Variants in ZBTB20 observed in about 807,000 individuals in gnomAD.
ZBTB20 encodes the protein zinc finger and BTB domain-containing protein 20.
In ZBTB20, 9 loss-of-function variants were observed where a neutral mutation model predicts 56.9. The observed-to-expected ratio is 0.16, with a 90% confidence interval of 0.10 to 0.28. The LOEUF is 0.28. ZBTB20 is among the 10% of genes least tolerant of loss of function. The pLI is 1.00. For missense variants in ZBTB20, 655 were observed against 1,003.0 expected (o/e 0.65, Z 4.69); for synonymous variants, 417 against 420.7 (o/e 0.99, Z 0.11).
At position 114,712,509 on chromosome 3, in the gene ZBTB20, C is replaced by G. The variant is rs535296901; in HGVS notation, c.-342-18934G>C. 2.6e-5 allele frequency among the ~76,000 whole-genome samples: 4 copies of G among 151,714 alleles called. No individual in the cohort carries two copies. The East Asian group carries it at 7.8e-4, about 29-fold the overall frequency. ...CTACTAAAAATTAAAAAAAATTAGC[C>G]GGGTGTGGTGGCGCATGCCTGTAAT... On this transcript the variant is annotated intron_variant, in intron 5 of 11. Coordinates refer to ENST00000675478, the MANE Select transcript of ZBTB20 (RefSeq NM_001348800.3).
intron 3 of ZBTB20, among the ~76,000 whole-genome samples, chr3:114,911,122 C>CA (rs34080044): frequency 6.6e-6 from 1 of 150,934 alleles, no homozygotes; most frequent in African/African-American, 2.4e-5. Context: ...CTAGTTATCC[C>CA]AAAAAAAAAA....
At chr3:114,661,926 T>A (rs1171520063) in intron 6 of ZBTB20, among the ~76,000 whole-genome samples, 1 of 151,920 alleles carries the variant, frequency 6.6e-6, no homozygotes, top group Non-Finnish European at 1.5e-5. Flanking sequence ...AATTATACTT[T>A]AAGTTTTAGG....
intron 5 of ZBTB20, among the ~76,000 whole-genome samples, chr3:114,699,241 C>A (rs755279004): frequency 6.6e-6 from 1 of 152,024 alleles, no homozygotes; most frequent in Admixed American, 6.6e-5. Context: ...TCCATGGACA[C>A]ATTCTAAAGA....
intron 7 of ZBTB20, among the ~76,000 whole-genome samples, chr3:114,417,286 A>T (rs2088663590): frequency 6.6e-6 from 1 of 152,104 alleles, no homozygotes; most frequent in African/African-American, 2.4e-5. Flanking sequence ...GCTGTTGCAC[A>T]TTTGCACTTA....
intron 4 of ZBTB20, among the ~76,000 whole-genome samples, chr3:114,881,970 G>GA (rs1266452278): frequency 2.6e-5 from 4 of 151,602 alleles, no homozygotes; most frequent in African/African-American, 7.2e-5. Flanking sequence ...GGAAATTATT[G>GA]AAAAAATGAA....
intron 7 of ZBTB20, among the ~76,000 whole-genome samples, chr3:114,483,402 C>G (rs1011234243): frequency 1.3e-5 from 2 of 151,778 alleles, no homozygotes; most frequent in Non-Finnish European, 2.9e-5. Flanking sequence ...ATAAGCAGCA[C>G]ACCATTACCA....
At chr3:114,501,706 C>A (rs976002960) in intron 6 of ZBTB20, among the ~76,000 whole-genome samples, 2 of 122,008 alleles carry the variant, frequency 1.6e-5, no homozygotes, top group African/African-American at 6.0e-5. Flanking sequence ...GTTTTTTTTT[C>A]TTTCTTTTTT....
At chr3:114,981,420 G>C (rs2078321825) in intron 2 of ZBTB20, among the ~76,000 whole-genome samples, 1 of 152,050 alleles carries the variant, frequency 6.6e-6, no homozygotes, top group African/African-American at 2.4e-5. Context: ...CAAGGTATTT[G>C]AGCTTTGAAA....
chr3:114,535,238 C>T (rs573679591), intron 6 of ZBTB20, among the ~76,000 whole-genome samples: 67 of 151,870 alleles, frequency 4.4e-4, no homozygotes, highest in Non-Finnish European at 8.2e-4. Flanking sequence ...GCAGATAGAC[C>T]GCTAGCCAGA....
At chr3:114,667,785 G>A (rs2061140432) in intron 6 of ZBTB20, among the ~76,000 whole-genome samples, 1 of 151,922 alleles carries the variant, frequency 6.6e-6, no homozygotes, top group Admixed American at 6.6e-5. Context: ...ATAAAATAAA[G>A]TCTGATTTAT....
chr3:114,684,121 T>C (rs1260851570), intron 6 of ZBTB20, among the ~76,000 whole-genome samples: 1 of 152,222 alleles, frequency 6.6e-6, no homozygotes, highest in Non-Finnish European at 1.5e-5. Context: ...ATGTTGTTAA[T>C]AGGCTTAACT....
Position 114,509,326 on chromosome 3 carries a change from C to G in ZBTB20, c.-294-8935G>C, listed in dbSNP as rs1342942923. On this transcript the variant is annotated intron_variant, in intron 6 of 11. Coordinates refer to ENST00000675478, the MANE Select transcript of ZBTB20 (RefSeq NM_001348800.3). Reference sequence around the variant, plus strand: ...TCATTTAATTGTTTTAATGCCTCTACTTAGGGGAATTTGCATTTTCTTAAC... The same window carrying G: ...TCATTTAATTGTTTTAATGCCTCTAGTTAGGGGAATTTGCATTTTCTTAAC... Among the ~76,000 whole-genome samples the G allele has an allele frequency of 4.6e-5, 7 of 152,032 alleles. No homozygotes were observed. In the East Asian group the frequency reaches 1.4e-3, roughly 29 times the overall value.
At chr3:114,504,276 C>T (rs973681728) in intron 6 of ZBTB20, among the ~76,000 whole-genome samples, 6 of 151,918 alleles carry the variant, frequency 3.9e-5, no homozygotes, top group South Asian at 2.1e-4. Context: ...AGAGGAGTAC[C>T]GAGCAGAGAG....
Position 114,433,674 on chromosome 3 carries a change from T to C in ZBTB20, c.-254-44569A>G, listed in dbSNP as rs1340838338. Among the ~76,000 whole-genome samples the C allele has an allele frequency of 3.3e-5, 5 of 152,182 alleles. No individual in the cohort carries two copies. The South Asian group carries it at 8.3e-4, about 25-fold the overall frequency. On this transcript the variant is annotated intron_variant, in intron 7 of 11. Transcript: ENST00000675478. ...TACAACTGTGTGTAAGTACAGTCTC[T>C]GTATTTATTAAGCTTACTGTGCAGT...
intron 2 of ZBTB20, among the ~76,000 whole-genome samples, chr3:114,981,110 A>G (rs527274385): frequency 2.6e-5 from 4 of 152,164 alleles, no homozygotes; most frequent in Non-Finnish European, 5.9e-5. Context: ...TTTTCTCTAG[A>G]AAAGTGCATA....
intron 6 of ZBTB20, among the ~76,000 whole-genome samples, chr3:114,520,584 T>C (rs988764604): frequency 1.3e-5 from 2 of 152,154 alleles, no homozygotes; most frequent in Non-Finnish European, 2.9e-5. Flanking sequence ...TGTTTGTAAG[T>C]TCCTTGATAT....
chr3:115,104,689 T>G (rs772548598), intron 1 of ZBTB20, among the ~76,000 whole-genome samples: 1 of 152,096 alleles, frequency 6.6e-6, no homozygotes, highest in Non-Finnish European at 1.5e-5. Flanking sequence ...CAAAAACTCA[T>G]TGTTTGCAAG....
Position 114,736,231 on chromosome 3 carries a change from A to G in ZBTB20, c.-342-42656T>C, listed in dbSNP as rs1043606450. Among the ~76,000 whole-genome samples, 4 of 152,308 alleles carry G rather than the reference A, an allele frequency of 2.6e-5. No individual in the cohort carries two copies. The South Asian group carries it at 6.2e-4, about 24-fold the overall frequency. ...GTTCTATTGTCATGAATTTCTAGCA[A>G]GAAATCAATGAATAAATGAAATGAT... On this transcript the variant is annotated intron_variant, in intron 5 of 11. Coordinates refer to ENST00000675478, the MANE Select transcript of ZBTB20 (RefSeq NM_001348800.3).
intron 6 of ZBTB20, among the ~76,000 whole-genome samples, chr3:114,655,402 G>A (rs1401221804): frequency 2.0e-5 from 3 of 150,828 alleles, no homozygotes; most frequent in Non-Finnish European, 1.5e-5. Flanking sequence ...ACAGGCGCCC[G>A]CCACCGCGCC....
Sources: allele counts gnomAD v4.1 joint callset (sites outside exome capture counted in the v4.1 genomes callset), GRCh38; gene constraint gnomAD v4.1.1; transcripts MANE v1.5; gene names NCBI Gene and HGNC (gene_info 2026-07-23, HGNC 2026-07-21).